The following STXBP6 variants were observed in gnomAD, a reference collection of about 807,000 sequenced individuals.
STXBP6 encodes syntaxin binding protein 6.
In STXBP6, 21 loss-of-function variants were observed where a neutral mutation model predicts 26.9. The ratio of observed to expected loss-of-function variants is 0.78; its 90% CI spans 0.55 to 1.12. STXBP6 has a LOEUF of 1.12. STXBP6 is among the 50% of genes most tolerant of loss of function. The pLI, the probability that STXBP6 is intolerant of heterozygous loss-of-function variation, is 0.00. For missense variants in STXBP6, 232 were observed against 257.9 expected, an observed-to-expected ratio of 0.90 and a Z score of 0.69; for synonymous variants, 97 against 92.6, an observed-to-expected ratio of 1.05 and a Z score of -0.27.
intron 4 of STXBP6, among the ~76,000 whole-genome samples, chr14:24,837,567 G>C (rs142289564): frequency 6.6e-6 from 1 of 152,154 alleles, no homozygotes; most frequent in Non-Finnish European, 1.5e-5. Flanking sequence ...TTAGCAGGTT[G>C]GAACTCTCAG....
intron 2 of STXBP6, among the ~76,000 whole-genome samples, chr14:24,889,196 T>C (rs2070698686): frequency 6.6e-6 from 1 of 151,594 alleles, no homozygotes. Flanking sequence ...CCACCAAGAA[T>C]CACTGAGCCA....
At chr14:24,945,399 TA>T (rs1351405907) in intron 2 of STXBP6, among the ~76,000 whole-genome samples, 2 of 151,788 alleles carry the variant, frequency 1.3e-5, no homozygotes, top group African/African-American at 4.8e-5. Context: ...GACATGTCTT[TA>T]TAAAAAATAA....
intron 2 of STXBP6, among the ~76,000 whole-genome samples, chr14:24,951,239 G>A (rs534071940): frequency 2.8e-4 from 42 of 152,178 alleles, no homozygotes; most frequent in Admixed American, 7.2e-4. Flanking sequence ...ATTTATAACC[G>A]TTTGGGTATA....
intron 2 of STXBP6, among the ~76,000 whole-genome samples, chr14:24,896,713 G>C (rs1184326383): frequency 6.6e-6 from 1 of 152,188 alleles, no homozygotes. Context: ...AGATCTAGGA[G>C]AACCTCTCAG....
chr14:24,819,300 GA>G lies in STXBP6; in HGVS notation c.452-107del, dbSNP rs1225820480. On this transcript the variant is annotated intron_variant, in intron 4 of 5. Coordinates refer to ENST00000323944, the MANE Select transcript of STXBP6 (RefSeq NM_001394410.1). ...TAAGAGGAAGGCAGGTCACACTGCA[GA>G]AAGGCCGCTCGTCTAGTGTCTAGGA... The G allele has an allele frequency of 1.1e-5, 14 of 1,309,906 alleles. No individual in the cohort carries two copies. The South Asian group carries it at 1.7e-4, about 16-fold the overall frequency. 81.1% of individuals were successfully genotyped at this position (1,309,906 alleles called of 1,614,324 possible).
chr14:24,910,593 A>C lies in STXBP6; in HGVS notation c.155-53436T>G, dbSNP rs138036009. On this transcript the variant is annotated intron_variant, in intron 2 of 5. Transcript: ENST00000323944. ...CTCGGTCTTAAAATCAATATCTTTA[A>C]GCAGGATGAACTTTGCAACTCACAA... Among the ~76,000 whole-genome samples, 400 of 152,354 alleles carry C rather than the reference A, an allele frequency of 2.6e-3. 2 individuals carry two copies. The highest frequency in any genetic ancestry group is 9.4e-3 in the African/African-American group (389 of 41,586).
At chr14:25,007,708 C>T (rs1205242952) in intron 1 of STXBP6, among the ~76,000 whole-genome samples, 1 of 152,136 alleles carries the variant, frequency 6.6e-6, no homozygotes, top group Non-Finnish European at 1.5e-5. Context: ...TGGATGAAAT[C>T]AATACAATTA....
chr14:25,019,529 T>C (rs2075221993), intron 1 of STXBP6, among the ~76,000 whole-genome samples: 1 of 152,222 alleles, frequency 6.6e-6, no homozygotes, highest in South Asian at 2.1e-4. Flanking sequence ...AGGAAATAGA[T>C]TTAAAGAAAA....
At chr14:24,897,022 T>A (rs980267998) in intron 2 of STXBP6, among the ~76,000 whole-genome samples, 1 of 152,132 alleles carries the variant, frequency 6.6e-6, no homozygotes, top group South Asian at 2.1e-4. Flanking sequence ...TTGCACTAAA[T>A]CACTGGGAGG....
At chr14:24,937,203 C>T (rs977372153) in intron 2 of STXBP6, among the ~76,000 whole-genome samples, 4 of 152,130 alleles carry the variant, frequency 2.6e-5, no homozygotes, top group African/African-American at 7.2e-5. Context: ...CAAGTTGATG[C>T]GTGCAGCAAA....
chr14:25,029,761 T>C (rs189879091), intron 1 of STXBP6, among the ~76,000 whole-genome samples: 8 of 152,180 alleles, frequency 5.3e-5, no homozygotes, highest in African/African-American at 1.9e-4. Context: ...TACCACATAA[T>C]TAGGAAGAGG....
intron 2 of STXBP6, among the ~76,000 whole-genome samples, chr14:24,862,283 C>T (rs2139238412): frequency 6.6e-6 from 1 of 152,282 alleles, no homozygotes. Flanking sequence ...CAGGTGTGAG[C>T]CACCATGCCC....
At chr14:24,944,480 T>C (rs2072911690) in intron 2 of STXBP6, among the ~76,000 whole-genome samples, 1 of 152,160 alleles carries the variant, frequency 6.6e-6, no homozygotes, top group African/African-American at 2.4e-5. Flanking sequence ...GGAGAGAGTT[T>C]CCTTGGTAGT....
intron 2 of STXBP6, among the ~76,000 whole-genome samples, chr14:24,940,968 T>C (rs1188254243): frequency 2.0e-5 from 3 of 152,080 alleles, no homozygotes; most frequent in Non-Finnish European, 4.4e-5. Flanking sequence ...TGAGCCAAGA[T>C]TGCGCCACTG....
chr14:24,992,069 G>A (rs748999452), intron 1 of STXBP6, among the ~76,000 whole-genome samples: 58 of 152,264 alleles, frequency 3.8e-4, no homozygotes, highest in Non-Finnish European at 6.9e-4. Context: ...TCTTCTTACC[G>A]GTCTGTTTTT....
At chr14:24,853,325 A>G (rs889659271) in intron 4 of STXBP6, among the ~76,000 whole-genome samples, 3 of 152,090 alleles carry the variant, frequency 2.0e-5, no homozygotes, top group African/African-American at 7.2e-5. Flanking sequence ...TCGGCATACT[A>G]ATTTATCAGG....
chr14:25,034,462 C>G (rs1285595386), intron 1 of STXBP6, among the ~76,000 whole-genome samples: 2 of 152,196 alleles, frequency 1.3e-5, no homozygotes, highest in Middle Eastern at 6.3e-3. Context: ...TGATGCACTT[C>G]TTATTAATTA....
Position 24,855,950 on chromosome 14 carries a change from G to A in STXBP6, c.437C>T (p.Ser146Phe), listed in dbSNP as rs766571530. 1.9e-5 allele frequency: 30 copies of A among 1,603,338 alleles called. No homozygotes were observed. The South Asian group carries it at 2.7e-4, about 14-fold the overall frequency. The part of the protein sequence containing the change: ...DRKPEFINCQ[S>F]KIMGGNSILH... ...TGTCCACTCACCTCCCATAATTTTG[G>A]ATTGGCAGTTAATAAACTCTGGCTT... is the stretch of plus-strand genomic sequence containing the variant. The change falls in exon 4 of 6, where the codon TCC (serine) becomes TTC (phenylalanine). Residue 146 changes from serine to phenylalanine, a missense_variant. Physicochemically the swap from Ser to Phe is radical, Grantham distance 155. Transcript: ENST00000323944.
At chr14:25,012,138 T>C (rs2075046024) in intron 1 of STXBP6, among the ~76,000 whole-genome samples, 1 of 152,074 alleles carries the variant, frequency 6.6e-6, no homozygotes, top group Non-Finnish European at 1.5e-5. Flanking sequence ...CACTCAGGCA[T>C]ACACAAAAAT....
Sources: allele counts gnomAD v4.1 joint callset (sites outside exome capture counted in the v4.1 genomes callset), GRCh38; gene constraint gnomAD v4.1.1; transcripts MANE v1.5; gene names NCBI Gene and HGNC (gene_info 2026-07-23, HGNC 2026-07-21).